Variants in MACO1 observed in about 807,000 individuals in gnomAD.
MACO1 encodes the protein macoilin.
Under a neutral mutation model 78.7 loss-of-function variants are expected in MACO1, and 14 were observed. The ratio of observed to expected loss-of-function variants is 0.18; its 90% CI spans 0.12 to 0.28. MACO1 has a LOEUF of 0.28. Among genes scored for constraint, MACO1 ranks in the 10% least tolerant of loss-of-function variants. MACO1 has a pLI of 1.00. For missense variants in MACO1, 501 were observed against 799.0 expected, an observed-to-expected ratio of 0.63 and a Z score of 4.50; for synonymous variants, 288 against 291.6, an observed-to-expected ratio of 0.99 and a Z score of 0.12.
intron 5 of MACO1, among the ~76,000 whole-genome samples, chr1:25,458,049 C>T (rs544763702): frequency 3.0e-4 from 46 of 152,324 alleles, no homozygotes; most frequent in African/African-American, 1.1e-3. Context: ...CCTCTCACCT[C>T]AGTGATAGGC....
At chr1:25,478,731 T>C (rs1169602899) in intron 6 of MACO1, among the ~76,000 whole-genome samples, 1 of 152,234 alleles carries the variant, frequency 6.6e-6, no homozygotes, top group Non-Finnish European at 1.5e-5. Flanking sequence ...TGTAATAATT[T>C]AGAACCCTGG....
chr1:25,469,240 A>G (rs1238915284), intron 6 of MACO1, among the ~76,000 whole-genome samples: 2 of 152,220 alleles, frequency 1.3e-5, no homozygotes, highest in Non-Finnish European at 2.9e-5. Flanking sequence ...TGATAACAAC[A>G]TAATCTATAA....
intron 6 of MACO1, among the ~76,000 whole-genome samples, chr1:25,468,845 T>TTTTTG (rs1451308914): frequency 1.3e-5 from 2 of 152,212 alleles, no homozygotes; most frequent in South Asian, 2.1e-4. Flanking sequence ...TTTTTTGGTT[T>TTTTTG]TTTTGTTTTG....
At chr1:25,452,838 A>T (rs988173329) in intron 3 of MACO1, among the ~76,000 whole-genome samples, 2 of 151,600 alleles carry the variant, frequency 1.3e-5, no homozygotes, top group Non-Finnish European at 2.9e-5. Flanking sequence ...CTGGAATTAC[A>T]GGTGTGCACC....
At chr1:25,436,252 T>A (rs1195590866) in intron 1 of MACO1, among the ~76,000 whole-genome samples, 1 of 152,196 alleles carries the variant, frequency 6.6e-6, no homozygotes, top group African/African-American at 2.4e-5. Context: ...TCTTTTTCTT[T>A]GGCCATTTCT....
At chr1:25,458,348 C>T (rs368596412) in intron 5 of MACO1, 43 bp from the exon 6 acceptor site, 29 of 1,529,758 alleles carry the variant, frequency 1.9e-5, no homozygotes, top group South Asian at 1.5e-4. Flanking sequence ...CTAAATATTC[C>T]GGTGGGGGCT....
In MACO1 at chr1:25,431,121, G is replaced by A; in HGVS notation, c.23G>A (p.Cys8Tyr). 1.3e-6 allele frequency: 2 copies of A among 1,596,694 alleles called. No individual in the cohort carries two copies. Among genetic ancestry groups the A allele is most frequent in the Non-Finnish European group, 1.7e-6 (2 of 1,173,942 alleles). MKRRNADCSKLRRPLKRN... is the reference protein window; with the variant it reads MKRRNADYSKLRRPLKRN... ...AGGATGAAGCGGCGGAACGCCGACT[G>A]CAGTAAGCTCCGCCGCCCCCTAAAG... The change falls in exon 1 of 11, where the codon TGC (cysteine) becomes TAC (tyrosine). Residue 8 changes from cysteine (C) to tyrosine (Y), a missense_variant. Physicochemically the swap from Cys to Tyr is radical, Grantham distance 194 (BLOSUM62 -2). This residue lies in a region of MACO1 where 171 missense variants were observed against 292.1 expected (regional missense o/e 0.59). Transcript: ENST00000374343.
In MACO1 at chr1:25,475,716, A is replaced by G. The variant is rs1350403951; in HGVS notation, c.1155-8400A>G. Among the ~76,000 whole-genome samples, 4 of 152,306 alleles carry G rather than the reference A, an allele frequency of 2.6e-5. No individual in the cohort carries two copies. The East Asian group carries it at 7.7e-4, about 29-fold the overall frequency. ...GTATCCTCTTTTAAAATTATCGAAT[A>G]ATAATTAAAATGTTAAAAATAAGTT... is the stretch of plus-strand genomic sequence containing the variant. On this transcript the variant is annotated intron_variant, in intron 6 of 10. Transcript: ENST00000374343.
At chr1:25,431,834 T>C (rs2124563498) in intron 1 of MACO1, among the ~76,000 whole-genome samples, 1 of 152,300 alleles carries the variant, frequency 6.6e-6, no homozygotes, top group Non-Finnish European at 1.5e-5. Flanking sequence ...TGATGACCAG[T>C]TTTTCAGCAA....
At chr1:25,479,997 G>C (rs1380282549) in intron 6 of MACO1, among the ~76,000 whole-genome samples, 1 of 152,210 alleles carries the variant, frequency 6.6e-6, no homozygotes, top group Admixed American at 6.5e-5. Flanking sequence ...GTCTGGATAA[G>C]AGGATTATGA....
Position 25,451,523 on chromosome 1 carries a change from G to A in MACO1, c.349+2589G>A, listed in dbSNP as rs145382959. On this transcript the variant is annotated intron_variant, in intron 3 of 10. Transcript: ENST00000374343. Reference sequence around the variant, plus strand: ...ACCTTATAAATTAATATAGAGAATAGGGCAGATAAATATTTGAAAATGCAT... The same window carrying A: ...ACCTTATAAATTAATATAGAGAATAAGGCAGATAAATATTTGAAAATGCAT... Among the ~76,000 whole-genome samples, 1,214 of 152,112 alleles carry A rather than the reference G, an allele frequency of 8.0e-3. 15 individuals are homozygous for A. Among genetic ancestry groups the A allele is most frequent in the African/African-American group, 0.028 (1,154 of 41,452 alleles).
rs751208795 is a variant in MACO1 at position 25,489,298 on chromosome 1, G to C, written c.1617+5G>C. The stretch of plus-strand genomic sequence containing the variant: ...GAACTAGAACTAAAAGTCCAGGTAA[G>C]GGGGGAACAAAAGACTTCCCTTGTA... On this transcript the variant is annotated splice_donor_5th_base_variant and intron_variant, in intron 9 of 10. Transcript: ENST00000374343. 1 of 1,612,596 alleles carries C rather than the reference G, an allele frequency of 6.2e-7. No homozygotes were observed. The highest frequency in any genetic ancestry group is 2.2e-5 in the East Asian group (1 of 44,832).
intron 1 of MACO1, among the ~76,000 whole-genome samples, chr1:25,439,579 T>C (rs886904695): frequency 1.3e-5 from 2 of 151,730 alleles, no homozygotes; most frequent in African/African-American, 4.8e-5. Flanking sequence ...CTCAGCCTGC[T>C]CCCCTTTTTT....
intron 6 of MACO1, among the ~76,000 whole-genome samples, chr1:25,479,776 T>C (rs2043354768): frequency 6.6e-6 from 1 of 152,120 alleles, no homozygotes. Flanking sequence ...TTGAGATATA[T>C]CTTAGAAAAT....
At chr1:25,439,958 C>T (rs1335699540) in intron 1 of MACO1, among the ~76,000 whole-genome samples, 10 of 148,700 alleles carry the variant, frequency 6.7e-5, no homozygotes, top group African/African-American at 2.2e-4. Flanking sequence ...GCAGAGATTG[C>T]GGTGAGCCGA....
At chr1:25,486,425 C>CT (rs987466500) in intron 8 of MACO1, among the ~76,000 whole-genome samples, 5 of 151,554 alleles carry the variant, frequency 3.3e-5, no homozygotes, top group African/African-American at 4.9e-5. Context: ...TAGTTAAGAG[C>CT]TTTTTTTTTC....
At chr1:25,484,563 CAAG>C (rs887834232) in intron 7 of MACO1, among the ~76,000 whole-genome samples, 2 of 152,116 alleles carry the variant, frequency 1.3e-5, no homozygotes, top group Non-Finnish European at 2.9e-5. Flanking sequence ...GTAAAATTGA[CAAG>C]AAGTAGTTCT....
chr1:25,450,194 C>T (rs1031874919), intron 3 of MACO1, among the ~76,000 whole-genome samples: 2 of 152,108 alleles, frequency 1.3e-5, no homozygotes, highest in African/African-American at 2.4e-5. Context: ...CCTCTTAAGT[C>T]TTTTCTGTAG....
chr1:25,472,886 T>A (rs1478818427), intron 6 of MACO1, among the ~76,000 whole-genome samples: 1 of 152,204 alleles, frequency 6.6e-6, no homozygotes, highest in African/African-American at 2.4e-5. Context: ...AGATATAAAA[T>A]TATAATAAAA....
Sources: gnomAD v4.1 joint callset for allele counts (sites outside exome capture counted in the v4.1 genomes callset) on GRCh38, gnomAD v4.1.1 for gene constraint, gnomAD v4.1.1 regional missense constraint, MANE v1.5 for transcripts, NCBI Gene and HGNC (gene_info 2026-07-23, HGNC 2026-07-21) for gene names.